Variants in CCDC149 observed in about 807,000 individuals in gnomAD.
The protein encoded by CCDC149 is coiled-coil domain containing 149, also known as coiled-coil domain-containing protein 149.
Under a neutral mutation model 59.9 loss-of-function variants are expected in CCDC149, and 45 were observed. That is an observed-to-expected ratio of 0.75 (90% CI 0.59 to 0.96). The LOEUF (loss-of-function observed/expected upper bound fraction) is 0.96, where lower values mean the gene tolerates loss of function less well. Among genes scored for constraint, CCDC149 ranks in the 40% least tolerant of loss-of-function variants. CCDC149 has a pLI of 0.00. For synonymous variants in CCDC149, 245 were observed against 260.6 expected, an observed-to-expected ratio of 0.94 and a Z score of 0.58; for missense variants, 584 against 664.7, an observed-to-expected ratio of 0.88 and a Z score of 1.33.
chr4:24,956,177 C>A (rs1221485002), intron 1 of CCDC149, among the ~76,000 whole-genome samples: 1 of 151,704 alleles, frequency 6.6e-6, no homozygotes, highest in African/African-American at 2.4e-5. Context: ...CCTTTTGCTG[C>A]CTTAGAGGAC....
At chr4:24,952,343 G>A (rs1308662887) in intron 1 of CCDC149, among the ~76,000 whole-genome samples, 2 of 151,772 alleles carry the variant, frequency 1.3e-5, no homozygotes, top group Non-Finnish European at 2.9e-5. Context: ...TGTAATCCCA[G>A]CATTTTGGGA....
At chr4:24,948,186 T>A (rs1044549959) in intron 1 of CCDC149, among the ~76,000 whole-genome samples, 1 of 152,212 alleles carries the variant, frequency 6.6e-6, no homozygotes, top group African/African-American at 2.4e-5. Context: ...CGTGTGACTC[T>A]GAAGTACATC....
intron 1 of CCDC149, among the ~76,000 whole-genome samples, chr4:24,952,609 A>G (rs1356658610): frequency 5.7e-4 from 20 of 35,184 alleles, no homozygotes; most frequent in African/African-American, 2.0e-3. Context: ...AAAAAAAAAA[A>G]AAAAAAAAAA....
chr4:24,965,849 T>C (rs930936011), intron 1 of CCDC149, among the ~76,000 whole-genome samples: 1 of 152,096 alleles, frequency 6.6e-6, no homozygotes, highest in Non-Finnish European at 1.5e-5. Flanking sequence ...AGGTTTGGAG[T>C]GCAGGCGCAA....
At chr4:24,971,670 C>T (rs964304292) in intron 1 of CCDC149, among the ~76,000 whole-genome samples, 2 of 152,218 alleles carry the variant, frequency 1.3e-5, no homozygotes, top group Non-Finnish European at 2.9e-5. Flanking sequence ...CCCACCAACT[C>T]CCTTCCTCTT....
intron 1 of CCDC149, among the ~76,000 whole-genome samples, chr4:24,924,476 G>A (rs56045375): frequency 0.079 from 12,074 of 152,278 alleles, 557 homozygotes; most frequent in Middle Eastern, 0.11. Flanking sequence ...CCTCAGCTGA[G>A]AAGATTCAGA....
chr4:24,822,510 C>T lies in CCDC149; in HGVS notation c.1029G>A (p.Leu343=), dbSNP rs1393091293. ...GGTTCTGTTTACCTGGAAGACTCCA[C>T]AAACCAGAAACTTCCAGAGTTCTTA... is the stretch of plus-strand genomic sequence containing the variant. The change falls in exon 10 of 13, where the codon TTG becomes TTA. Residue 343 remains leucine (L), a synonymous_variant. Transcript: ENST00000635206. 5 of 1,531,958 alleles carry T rather than the reference C, an allele frequency of 3.3e-6. No homozygotes were observed. Among genetic ancestry groups the T allele is most frequent in the South Asian group, 1.2e-5 (1 of 80,578 alleles). 94.9% of individuals were successfully genotyped at this position (1,531,958 alleles called of 1,614,324 possible).
At chr4:24,823,079 G>A (rs1715513680) in intron 9 of CCDC149, 1 of 152,150 alleles carries the variant, frequency 6.6e-6, no homozygotes, top group African/African-American at 2.4e-5. Context: ...TCTTACTGAT[G>A]TCCACATTCT....
chr4:24,921,373 T>C (rs1467289576), intron 1 of CCDC149, among the ~76,000 whole-genome samples: 1 of 152,224 alleles, frequency 6.6e-6, no homozygotes, highest in African/African-American at 2.4e-5. Flanking sequence ...TCTGTGTCCC[T>C]TGAATGAACC....
intron 1 of CCDC149, among the ~76,000 whole-genome samples, chr4:24,910,410 GC>G: frequency 6.6e-6 from 1 of 152,264 alleles, no homozygotes; most frequent in East Asian, 1.9e-4. Context: ...CACATTTGCA[GC>G]TACTGGGGTT....
chr4:24,816,156 C>T (rs886801477), intron 12 of CCDC149, among the ~76,000 whole-genome samples: 1 of 152,150 alleles, frequency 6.6e-6, no homozygotes, highest in Admixed American at 6.5e-5. Context: ...GCCGCGATCA[C>T]AGCTCACAGC....
At chr4:24,905,406 CGTGCGTGCGTGT>C (rs1194752245) in intron 1 of CCDC149, among the ~76,000 whole-genome samples, 34 of 110,396 alleles carry the variant, frequency 3.1e-4, no homozygotes, top group East Asian at 7.9e-4. Flanking sequence ...TTTCTTTTTG[CGTGCGTGCGTGT>C]GTGTGTGTGT....
chr4:24,820,194 A>G (rs1186906465), intron 11 of CCDC149: 2 of 480,894 alleles, frequency 4.2e-6, no homozygotes, highest in Non-Finnish European at 7.3e-6. Context: ...CTTATCACTA[A>G]TTTAGTATTG....
rs528245048 is a variant in CCDC149, at chr4:24,979,248, TA to T, written c.-65+820del. Among the ~76,000 whole-genome samples, 9 of 152,334 alleles carry T rather than the reference TA, an allele frequency of 5.9e-5. No homozygotes were observed. In the East Asian group the frequency reaches 1.7e-3, roughly 29 times the overall value. Reference sequence around the variant, plus strand: ...GTATTGAGGGTCAATCTTGGGGTGTTAACTTTCTGGTATTTCCAGCTTGGGT... The same window carrying T: ...GTATTGAGGGTCAATCTTGGGGTGTTACTTTCTGGTATTTCCAGCTTGGGT... On this transcript the variant is annotated intron_variant, in intron 1 of 12. Transcript: ENST00000389609.
At chr4:24,884,926 A>T (rs1050696433) in intron 1 of CCDC149, among the ~76,000 whole-genome samples, 3 of 152,006 alleles carry the variant, frequency 2.0e-5, no homozygotes, top group African/African-American at 4.8e-5. Context: ...ATCGGGAGGG[A>T]GGGGTAGAGG....
intron 1 of CCDC149, among the ~76,000 whole-genome samples, chr4:24,920,548 C>T (rs369018676): frequency 6.6e-6 from 1 of 152,282 alleles, no homozygotes; most frequent in East Asian, 1.9e-4. Context: ...CCACCATATC[C>T]TATTGGTCAA....
At chr4:24,878,365 C>T (rs1057272879) in intron 1 of CCDC149, among the ~76,000 whole-genome samples, 5 of 152,154 alleles carry the variant, frequency 3.3e-5, no homozygotes, top group African/African-American at 1.2e-4. Context: ...GGTTGGAATC[C>T]TGCCTTAAAA....
chr4:24,831,417 C>T (rs917506158), intron 9 of CCDC149, 89 bp downstream of exon 9: 24 of 1,369,790 alleles, frequency 1.8e-5, no homozygotes, highest in Middle Eastern at 2.4e-4. Flanking sequence ...CCTGCAGGTC[C>T]GTCGTTCCAG....
At chr4:24,817,486 G>A (rs189615964) in intron 12 of CCDC149, among the ~76,000 whole-genome samples, 18 of 152,104 alleles carry the variant, frequency 1.2e-4, no homozygotes, top group Middle Eastern at 3.4e-3. Flanking sequence ...ACTCCATGCA[G>A]TATTATGGTC....
Sources: gnomAD v4.1 joint callset for allele counts (sites outside exome capture counted in the v4.1 genomes callset) on GRCh38, gnomAD v4.1.1 for gene constraint, MANE v1.5 for transcripts, NCBI Gene and HGNC (gene_info 2026-07-23, HGNC 2026-07-21) for gene names.